The following C7 variants were observed in gnomAD, a reference collection of about 807,000 sequenced individuals.
The protein encoded by C7 is complement component C7.
In C7, 83 loss-of-function variants were observed where a neutral mutation model predicts 104.8. That is an observed-to-expected ratio of 0.79 (90% CI 0.66 to 0.95). The LOEUF (loss-of-function observed/expected upper bound fraction) is 0.95. Among genes scored for constraint, C7 ranks in the 40% least tolerant of loss-of-function variants. The pLI is 0.00. For synonymous variants in C7, 415 were observed against 360.6 expected, an observed-to-expected ratio of 1.15 and a Z score of -1.71; for missense variants, 1,070 against 1,011.2, an observed-to-expected ratio of 1.06 and a Z score of -0.79.
At chr5:40,921,738 G>T (rs1336766413) in intron 1 of C7, among the ~76,000 whole-genome samples, 1 of 152,048 alleles carries the variant, frequency 6.6e-6, no homozygotes, top group Non-Finnish European at 1.5e-5. Flanking sequence ...TGACAAAAGT[G>T]GTAAGAACAT....
At chr5:40,919,176 T>C (rs917308417) in intron 1 of C7, among the ~76,000 whole-genome samples, 18 of 151,608 alleles carry the variant, frequency 1.2e-4, no homozygotes, top group African/African-American at 4.4e-4. Flanking sequence ...CAGCCTGTAG[T>C]GCAGTGGTCT....
intron 1 of C7, among the ~76,000 whole-genome samples, chr5:40,926,260 A>G (rs1485497842): frequency 6.6e-6 from 1 of 152,260 alleles, no homozygotes; most frequent in African/African-American, 2.4e-5. Flanking sequence ...AAGTAACTTG[A>G]CACAATAAAT....
rs980313830 is a variant in C7, at chr5:40,919,820, C to T, written c.7-8760C>T. On this transcript the variant is annotated intron_variant, in intron 1 of 17. Coordinates refer to ENST00000313164, the MANE Select transcript of C7 (RefSeq NM_000587.4). Reference sequence around the variant, plus strand: ...AAAAATGGAAACACAACATAGCAAACATATGGGATACAGCAAAAACAGTTC... The same window carrying T: ...AAAAATGGAAACACAACATAGCAAATATATGGGATACAGCAAAAACAGTTC... 6.6e-5 allele frequency among the ~76,000 whole-genome samples: 10 copies of T among 151,876 alleles called. No individual in the cohort carries two copies. In the East Asian group the frequency reaches 1.9e-3, roughly 29 times the overall value.
At chr5:40,951,985 T>C (rs957041758) in intron 9 of C7, among the ~76,000 whole-genome samples, 1 of 152,212 alleles carries the variant, frequency 6.6e-6, no homozygotes, top group Non-Finnish European at 1.5e-5. Context: ...CTTCGTGAAG[T>C]TGACATGTCA....
At chr5:40,921,581 TA>T (rs577849772) in intron 1 of C7, among the ~76,000 whole-genome samples, 1 of 143,388 alleles carries the variant, frequency 7.0e-6, no homozygotes, top group Non-Finnish European at 1.5e-5. Context: ...AGTAGATTAT[TA>T]AAAAAAACAA....
chr5:40,909,535 C>G lies in C7; in HGVS notation c.-76C>G, dbSNP rs926063221. 5.0e-6 allele frequency: 6 copies of G among 1,203,956 alleles called. No individual in the cohort carries two copies. The African/African-American group carries it at 9.0e-5, about 18-fold the overall frequency. The allele number at this position is 1,203,956 out of a possible 1,614,324, so 74.6% of individuals were successfully genotyped here. A position where few individuals can be genotyped will look rare whatever the true frequency, so the allele number is the denominator to read the frequency against. Reference sequence around the variant, plus strand: ...GAGGCAGGCAGCCTGCTGGGCTCTTCCTGCTGTTGAAAACTTACCCGGCCC... The same window carrying G: ...GAGGCAGGCAGCCTGCTGGGCTCTTGCTGCTGTTGAAAACTTACCCGGCCC... On this transcript the variant is annotated 5_prime_UTR_variant, in exon 1 of 18. Transcript: ENST00000313164.
rs1488059226 is a variant in C7 at position 40,982,634 on chromosome 5, T to G, written c.*1061T>G. 1 of 152,394 alleles carries G rather than the reference T, an allele frequency of 6.6e-6. No homozygotes were observed. Among genetic ancestry groups the G allele is most frequent in the Non-Finnish European group, 1.5e-5 (1 of 68,052 alleles). The allele number at this position is 152,394 out of a possible 1,614,324, so 9.4% of individuals were successfully genotyped here. Reference sequence around the variant, plus strand: ...TTTCTTTTGAAAGAACATCAGTTCATGCCTGAGGCATGAGTGACTGTGCAT... The same window carrying G: ...TTTCTTTTGAAAGAACATCAGTTCAGGCCTGAGGCATGAGTGACTGTGCAT... On this transcript the variant is annotated 3_prime_UTR_variant, in exon 18 of 18. Transcript: ENST00000313164.
At chr5:40,960,898 A>G (rs953026951) in intron 12 of C7, among the ~76,000 whole-genome samples, 1 of 152,112 alleles carries the variant, frequency 6.6e-6, no homozygotes, top group Non-Finnish European at 1.5e-5. Context: ...CATTATCTTT[A>G]TTACAGGCTC....
At chr5:40,931,763 T>A (rs1275361335) in intron 3 of C7, among the ~76,000 whole-genome samples, 4 of 152,232 alleles carry the variant, frequency 2.6e-5, no homozygotes, top group Non-Finnish European at 5.9e-5. Context: ...TCTGCCTTTT[T>A]CTTTTTTTGT....
At chr5:40,925,422 A>G (rs566343965) in intron 1 of C7, among the ~76,000 whole-genome samples, 2 of 152,334 alleles carry the variant, frequency 1.3e-5, no homozygotes, top group East Asian at 1.9e-4. Context: ...GCCTATCACT[A>G]TCAGCATTTT....
In C7 at chr5:40,931,099, A is replaced by C. The variant is rs370335312; in HGVS notation, c.98A>C (p.Tyr33Ser). The C allele has an allele frequency of 1.9e-6, 3 of 1,613,574 alleles. No homozygotes were observed. In the African/African-American group the frequency reaches 4.0e-5, roughly 22 times the overall value. Residue 33 changes from tyrosine (Y) to serine (S), a missense_variant, in exon 3 of 18, where the codon TAT (tyrosine) becomes TCT (serine). Tyr to Ser is a moderately radical substitution (Grantham distance 144). Transcript: ENST00000313164. The stretch of plus-strand genomic sequence containing the variant: ...CCAGTCAACTGCCAGTGGGACTTCT[A>C]TGCCCCTTGGTCAGAATGCAATGGC... ...SSPVNCQWDFYAPWSECNGCT... is the reference protein window; with the variant it reads ...SSPVNCQWDFSAPWSECNGCT...
intron 7 of C7, among the ~76,000 whole-genome samples, chr5:40,945,863 C>T (rs1387623821): frequency 1.9e-5 from 2 of 105,528 alleles, no homozygotes; most frequent in African/African-American, 3.2e-5. Context: ...GACCCTGTCT[C>T]AAAAAAAAAT....
chr5:40,928,443 T>A, intron 1 of C7, 137 bp from the exon 2 acceptor site: 1 of 595,228 alleles, frequency 1.7e-6, no homozygotes, highest in Non-Finnish European at 2.9e-6. Flanking sequence ...ACTGGCTTGA[T>A]GAAATTATTT....
chr5:40,979,996 G>C (rs936359161), intron 17 of C7, 87 bp downstream of exon 17: 2 of 1,191,154 alleles, frequency 1.7e-6, no homozygotes, highest in South Asian at 3.8e-5. Context: ...GTTTAGCAGT[G>C]GGCCGAAGAA....
chr5:40,933,624 G>A (rs1739743393), intron 3 of C7, among the ~76,000 whole-genome samples: 1 of 152,080 alleles, frequency 6.6e-6, no homozygotes, highest in Non-Finnish European at 1.5e-5. Context: ...GGATTACTTA[G>A]GCTTCTGTTT....
At position 40,980,062 on chromosome 5, in the gene C7, T is replaced by A. The variant is rs372623915; in HGVS notation, c.2350+153T>A. The A allele has an allele frequency of 6.3e-5, 33 of 522,776 alleles. No individual in the cohort carries two copies. In the South Asian group the frequency reaches 1.6e-3, roughly 25 times the overall value. 32.4% of individuals were successfully genotyped at this position (522,776 alleles called of 1,614,324 possible). A position where few individuals can be genotyped will look rare whatever the true frequency, so the allele number is the denominator to read the frequency against. ...ATTTGACATGCACTGACCTCTCCTA[T>A]ACCCCTCACTGGAGAAGGGCACAGA... On this transcript the variant is annotated intron_variant, in intron 17 of 17. Transcript: ENST00000313164.
intron 9 of C7, among the ~76,000 whole-genome samples, chr5:40,953,414 G>T (rs1740218687): frequency 1.3e-5 from 2 of 152,068 alleles, no homozygotes; most frequent in Non-Finnish European, 2.9e-5. Context: ...AGGCTGAGGT[G>T]GGTGGATCAT....
intron 14 of C7, chr5:40,971,893 A>G: frequency 3.0e-6 from 1 of 338,382 alleles, no homozygotes; most frequent in Admixed American, 3.9e-5. Flanking sequence ...GCTGTAGTAT[A>G]CACTGATTAG....
intron 10 of C7, 148 bp downstream of exon 10, chr5:40,955,701 T>G: frequency 1.6e-6 from 1 of 621,444 alleles, no homozygotes; most frequent in East Asian, 2.9e-5. Flanking sequence ...GTAAAATGAA[T>G]GCACACATAA....
Sources: gnomAD v4.1 joint callset for allele counts (sites outside exome capture counted in the v4.1 genomes callset) on GRCh38, gnomAD v4.1.1 for gene constraint, MANE v1.5 for transcripts, NCBI Gene and HGNC (gene_info 2026-07-23, HGNC 2026-07-21) for gene names.